EXOSC7: variants seen among roughly 807,000 people sequenced by gnomAD.
The protein encoded by EXOSC7 is exosome complex component RRP42.
EXOSC7 carries 25 observed loss-of-function variants against 34.3 expected under a neutral mutation model. The observed-to-expected ratio is 0.73, with a 90% confidence interval of 0.53 to 1.02. EXOSC7 has a LOEUF of 1.02. Among genes scored for constraint, EXOSC7 ranks in the 50% least tolerant of loss-of-function variants. The pLI is 0.00. For missense variants in EXOSC7, 370 were observed against 368.5 expected (o/e 1.00, Z -0.03); for synonymous variants, 130 against 143.0 (o/e 0.91, Z 0.65).
In EXOSC7 at chr3:44,989,533, C is replaced by T. The variant is rs1706514058; in HGVS notation, c.160-17C>T. Reference sequence around the variant, plus strand: ...CTGCATACTCTGAGTGAGGACTCTTCTTGCATGTGTCTGCAGGGTCACACA... The same window carrying T: ...CTGCATACTCTGAGTGAGGACTCTTTTTGCATGTGTCTGCAGGGTCACACA... On this transcript the variant is annotated splice_polypyrimidine_tract_variant and intron_variant, in intron 2 of 7. Transcript: ENST00000265564. 9 of 1,603,810 alleles carry T rather than the reference C, an allele frequency of 5.6e-6. No homozygotes were observed. The East Asian group carries it at 1.6e-4, about 28-fold the overall frequency.
At chr3:44,983,450 A>T (rs1350295403) in intron 1 of EXOSC7, among the ~76,000 whole-genome samples, 2 of 152,174 alleles carry the variant, frequency 1.3e-5, no homozygotes, top group Non-Finnish European at 2.9e-5. Context: ...ACAGGCTTAG[A>T]GCTATTTAGG....
At chr3:45,003,225 A>T (rs1489756235) in intron 5 of EXOSC7, among the ~76,000 whole-genome samples, 1 of 152,182 alleles carries the variant, frequency 6.6e-6, no homozygotes, top group African/African-American at 2.4e-5. Flanking sequence ...GACTATTGGC[A>T]TATTCAGGGT....
At chr3:45,003,661 G>T (rs1237504449) in intron 5 of EXOSC7, among the ~76,000 whole-genome samples, 1 of 152,146 alleles carries the variant, frequency 6.6e-6, no homozygotes, top group African/African-American at 2.4e-5. Context: ...AGCCTGGAGT[G>T]AATTGACTTT....
At chr3:44,987,787 G>A (rs1706463514) in intron 1 of EXOSC7, among the ~76,000 whole-genome samples, 1 of 152,170 alleles carries the variant, frequency 6.6e-6, no homozygotes, top group Non-Finnish European at 1.5e-5. Context: ...TACTAAGATT[G>A]AACAAATACA....
At position 45,010,065 on chromosome 3, in the gene EXOSC7, A is replaced by T. The variant is rs1489116870; in HGVS notation, c.772-1170A>T. Reference sequence around the variant, plus strand: ...GATTGAGGCAGGGATTTAGGCATGGATGTTTTTATCTCAACATTGTTGAGA... The same window carrying T: ...GATTGAGGCAGGGATTTAGGCATGGTTGTTTTTATCTCAACATTGTTGAGA... On this transcript the variant is annotated intron_variant, in intron 7 of 7. Transcript: ENST00000265564. Among the ~76,000 whole-genome samples, 6 of 152,160 alleles carry T rather than the reference A, an allele frequency of 3.9e-5. No individual in the cohort carries two copies. The East Asian group carries it at 1.2e-3, about 29-fold the overall frequency.
At chr3:45,001,722 T>G (rs1706887258) in intron 5 of EXOSC7, 114 bp downstream of exon 5, 1 of 769,194 alleles carries the variant, frequency 1.3e-6, no homozygotes, top group South Asian at 1.6e-5. Flanking sequence ...ACAGGGGGTT[T>G]TAACATTGAA....
chr3:44,978,885 G>A (rs966141012), intron 1 of EXOSC7, among the ~76,000 whole-genome samples: 1 of 152,190 alleles, frequency 6.6e-6, no homozygotes, highest in African/African-American at 2.4e-5. Context: ...GGACCCTTAA[G>A]GCATAGCCAG....
chr3:44,999,458 G>A (rs1322185073), intron 4 of EXOSC7, among the ~76,000 whole-genome samples: 1 of 152,232 alleles, frequency 6.6e-6, no homozygotes, highest in East Asian at 1.9e-4. Flanking sequence ...GGATGCCAAG[G>A]CAGATGAATT....
chr3:45,004,367 T>TA (rs1377653564), intron 5 of EXOSC7: 1 of 152,094 alleles, frequency 6.6e-6, no homozygotes, highest in Non-Finnish European at 1.5e-5. Flanking sequence ...GCGATTCTCT[T>TA]ACCTCAGCCT....
intron 2 of EXOSC7, 141 bp downstream of exon 2, chr3:44,989,382 G>A: frequency 1.2e-6 from 1 of 823,218 alleles, no homozygotes; most frequent in East Asian, 2.6e-5. Context: ...GGGAGGGGGG[G>A]TCTATCCAGA....
chr3:45,000,487 G>C (rs907635891), intron 4 of EXOSC7, among the ~76,000 whole-genome samples: 1 of 152,192 alleles, frequency 6.6e-6, no homozygotes, highest in African/African-American at 2.4e-5. Context: ...TCAGGCCAAG[G>C]CCTCTCTAAA....
downstream of EXOSC7, among the ~76,000 whole-genome samples, chr3:45,011,661 AT>A (rs1435904589): frequency 6.6e-6 from 1 of 152,120 alleles, no homozygotes; most frequent in African/African-American, 2.4e-5. Context: ...TATTTTGTGA[AT>A]TTTTTTCCCC....
At chr3:45,001,350 G>A (rs1706873299) in intron 4 of EXOSC7, among the ~76,000 whole-genome samples, 188 bp from the exon 5 acceptor site, 1 of 151,974 alleles carries the variant, frequency 6.6e-6, no homozygotes, top group Non-Finnish European at 1.5e-5. Flanking sequence ...GGCTGAGGTG[G>A]GAGAATTACT....
chr3:45,005,115 A>G, intron 5 of EXOSC7, 176 bp from the exon 6 acceptor site: 5 of 630,872 alleles, frequency 7.9e-6, no homozygotes, highest in Non-Finnish European at 1.4e-5. Flanking sequence ...TCCTCATTGC[A>G]CTGCGGCGCC....
rs778053901 is a variant in EXOSC7 at position 45,005,449 on chromosome 3, G to C, written c.615+35G>C. 3.7e-6 allele frequency: 6 copies of C among 1,607,448 alleles called. No homozygotes were observed. The South Asian group carries it at 6.6e-5, about 18-fold the overall frequency. ...GTATTTTATGGTTTTTGTCTTCCCT[G>C]TGGGTGTGGGTCTCCTCTAATCCCA... On this transcript the variant is annotated intron_variant, in intron 6 of 7. Coordinates refer to ENST00000265564, the MANE Select transcript of EXOSC7 (RefSeq NM_015004.4).
At chr3:44,981,869 G>A (rs1046678911) in intron 1 of EXOSC7, among the ~76,000 whole-genome samples, 3 of 152,158 alleles carry the variant, frequency 2.0e-5, no homozygotes, top group African/African-American at 7.2e-5. Context: ...GGGTGACAGA[G>A]AGATACTCTG....
chr3:44,989,013 T>A, intron 1 of EXOSC7, 127 bp from the exon 2 acceptor site: 1 of 619,740 alleles, frequency 1.6e-6, no homozygotes, highest in East Asian at 2.8e-5. Context: ...GGACAGAATT[T>A]TAGATGATCC....
At chr3:44,988,488 C>A (rs908110705) in intron 1 of EXOSC7, among the ~76,000 whole-genome samples, 1 of 152,144 alleles carries the variant, frequency 6.6e-6, no homozygotes. Context: ...AGATTTGGGG[C>A]CTTATGGGTC....
chr3:44,988,285 CTT>C (rs1706474781), intron 1 of EXOSC7, among the ~76,000 whole-genome samples: 1 of 152,208 alleles, frequency 6.6e-6, no homozygotes, highest in Admixed American at 6.5e-5. Context: ...ATTTGGAACA[CTT>C]TGAGCAGCAA....
Sources: gnomAD v4.1 joint callset for allele counts (sites outside exome capture counted in the v4.1 genomes callset) on GRCh38, gnomAD v4.1.1 for gene constraint, MANE v1.5 for transcripts, NCBI Gene and HGNC (gene_info 2026-07-23, HGNC 2026-07-21) for gene names.